GMCL1: variants seen among roughly 807,000 people sequenced by gnomAD.
The protein encoded by GMCL1 is germ cell-less 1, spermatogenesis associated, also known as germ cell-less protein-like 1.
A neutral mutation model predicts 75.5 loss-of-function variants in GMCL1; 54 were observed. The observed-to-expected ratio is 0.71, with a 90% confidence interval of 0.57 to 0.90. The LOEUF (loss-of-function observed/expected upper bound fraction) is 0.90. GMCL1 is among the 40% of genes least tolerant of loss of function. The pLI, the probability that GMCL1 is intolerant of heterozygous loss-of-function variation, is 0.00. For synonymous variants in GMCL1, 210 were observed against 209.6 expected, an observed-to-expected ratio of 1.00 and a Z score of -0.02; for missense variants, 537 against 622.7, an observed-to-expected ratio of 0.86 and a Z score of 1.47.
At chr2:69,838,952 C>G (rs1460469903) in intron 2 of GMCL1, among the ~76,000 whole-genome samples, 7 of 152,126 alleles carry the variant, frequency 4.6e-5, no homozygotes, top group South Asian at 2.1e-4. Context: ...CAAAGTAATT[C>G]TAATTATGAG....
chr2:69,869,300 C>A (rs1388992379), intron 11 of GMCL1, among the ~76,000 whole-genome samples: 1 of 149,168 alleles, frequency 6.7e-6, no homozygotes, highest in Non-Finnish European at 1.5e-5. Context: ...GACCTGTAGT[C>A]CCAGCTACTT....
chr2:69,842,909 C>A (rs368149835), intron 4 of GMCL1: 3 of 264,212 alleles, frequency 1.1e-5, no homozygotes, highest in Non-Finnish European at 2.0e-5. Context: ...CCTTACTACT[C>A]CCCCCCACCT....
chr2:69,832,799 A>G (rs1051339310), intron 1 of GMCL1, among the ~76,000 whole-genome samples: 1 of 152,234 alleles, frequency 6.6e-6, no homozygotes, highest in African/African-American at 2.4e-5. Flanking sequence ...ATCACACAGC[A>G]ATTTGAATAC....
At chr2:69,837,749 T>G in intron 2 of GMCL1, 79 bp downstream of exon 2, 3 of 1,473,264 alleles carry the variant, frequency 2.0e-6, no homozygotes, top group Non-Finnish European at 2.8e-6. Flanking sequence ...CACTTCACAG[T>G]AATCTTTTGC....
At chr2:69,847,706 T>C in intron 7 of GMCL1, 79 bp downstream of exon 7, 1 of 785,530 alleles carries the variant, frequency 1.3e-6, no homozygotes, top group South Asian at 1.7e-5. Flanking sequence ...CTGGAAACAG[T>C]ATCCAGTAAT....
chr2:69,830,032 C>T lies in GMCL1; in HGVS notation c.140C>T (p.Ala47Val), dbSNP rs2103933215. Residue 47 changes from alanine (A) to valine (V), a missense_variant, in exon 1 of 14, where the codon GCG becomes GTG. Around this residue, in one of 3 missense-constraint regions of GMCL1, gnomAD observed 144 missense variants for 127.2 expected, o/e 1.13. Transcript: ENST00000282570. ...GCGGGCCACGGATTCTGTTACTGTG[C>T]GGGCAGCCACAAGCGCAAGCGGAGC... Reference protein sequence around the residue: ...DAAGHGFCYCAGSHKRKRSSG... With the variant: ...DAAGHGFCYCVGSHKRKRSSG... 2 of 1,563,784 alleles carry T rather than the reference C, an allele frequency of 1.3e-6. No homozygotes were observed. The highest frequency in any genetic ancestry group is 2.4e-5 in the East Asian group (1 of 41,872).
At chr2:69,848,861 G>A (rs1201198035) in intron 7 of GMCL1, among the ~76,000 whole-genome samples, 7 of 152,044 alleles carry the variant, frequency 4.6e-5, no homozygotes, top group Admixed American at 1.3e-4. Context: ...TAATGTGCCC[G>A]GCTCTTAAGT....
At chr2:69,856,955 C>G (rs2104002103) in intron 9 of GMCL1, among the ~76,000 whole-genome samples, 1 of 152,062 alleles carries the variant, frequency 6.6e-6, no homozygotes, top group African/African-American at 2.4e-5. Flanking sequence ...GTTTTTTGAC[C>G]TCAGCTCTCA....
intron 1 of GMCL1, among the ~76,000 whole-genome samples, chr2:69,832,040 G>A (rs1674687294): frequency 6.6e-6 from 1 of 152,166 alleles, no homozygotes; most frequent in African/African-American, 2.4e-5. Flanking sequence ...GGCCAACATG[G>A]CGAAACCCTG....
In GMCL1 at chr2:69,852,294, C is replaced by T. The variant is rs531894490; in HGVS notation, c.935-2529C>T. Among the ~76,000 whole-genome samples, 17 of 152,340 alleles carry T rather than the reference C, an allele frequency of 1.1e-4. No homozygotes were observed. The South Asian group carries it at 3.5e-3, about 32-fold the overall frequency. On this transcript the variant is annotated intron_variant, in intron 8 of 13. Transcript: ENST00000282570. ...TAGAGAAGCAAGCTGTGGTCCACTT[C>T]TGGATTCCCACTTGAGGCTCTCCCT...
intron 11 of GMCL1, 151 bp downstream of exon 11, chr2:69,865,126 C>A (rs974336240): frequency 1.0e-4 from 58 of 567,490 alleles, no homozygotes; most frequent in Non-Finnish European, 1.7e-4. Flanking sequence ...AAAGTAGTTA[C>A]AGCCACCACA....
At chr2:69,839,611 C>A in intron 3 of GMCL1, 58 bp downstream of exon 3, 1 of 1,104,810 alleles carries the variant, frequency 9.1e-7, no homozygotes, top group Non-Finnish European at 1.4e-6. Flanking sequence ...TCTTATTCTT[C>A]TGGTAGAAGA....
At chr2:69,848,259 G>C (rs1421375974) in intron 7 of GMCL1, among the ~76,000 whole-genome samples, 1 of 152,174 alleles carries the variant, frequency 6.6e-6, no homozygotes, top group African/African-American at 2.4e-5. Context: ...ACAGTGTTGT[G>C]AGTATTTAAC....
intron 1 of GMCL1, among the ~76,000 whole-genome samples, chr2:69,832,213 C>CT (rs1348732347): frequency 6.8e-6 from 1 of 146,770 alleles, no homozygotes; most frequent in East Asian, 1.9e-4. Context: ...AAGTGAGACT[C>CT]TGTCTCAAAA....
chr2:69,861,291 T>A lies in GMCL1; in HGVS notation c.1086T>A (p.Ser362=), dbSNP rs751442065. Residue 362 remains serine (S), a synonymous_variant, in exon 10 of 14, where the codon TCT becomes TCA. Transcript: ENST00000282570. ...DAVVPSEWLS[S]VYKQQWFAML... is the part of the protein sequence containing the mutation. ...CTTACATTTCAGAATGGCTCTCTTCTGTGTATAAACAGCAGTGGTTTGCTA... is the reference window on the plus strand; with the variant it reads ...CTTACATTTCAGAATGGCTCTCTTCAGTGTATAAACAGCAGTGGTTTGCTA... 26 of 1,605,842 alleles carry A rather than the reference T, an allele frequency of 1.6e-5. No homozygotes were observed. Among genetic ancestry groups the A allele is most frequent in the Non-Finnish European group, 2.2e-5 (26 of 1,173,630 alleles).
intron 11 of GMCL1, among the ~76,000 whole-genome samples, chr2:69,866,961 T>A (rs1675834799): frequency 6.6e-6 from 1 of 151,154 alleles, no homozygotes; most frequent in Non-Finnish European, 1.5e-5. Context: ...TCTTTTTTTT[T>A]TGAGACAGAG....
intron 3 of GMCL1, 88 bp from the exon 4 acceptor site, chr2:69,840,854 T>C: frequency 1.3e-6 from 1 of 785,542 alleles, no homozygotes; most frequent in Non-Finnish European, 2.1e-6. Flanking sequence ...GATGTCTTTG[T>C]GTGTGAAGAC....
Position 69,871,772 on chromosome 2 carries a change from T to A in GMCL1, c.1392T>A (p.Ser464Arg), listed in dbSNP as rs1438691149. The A allele has an allele frequency of 6.3e-7, 1 of 1,585,458 alleles. No homozygotes were observed. Among genetic ancestry groups the A allele is most frequent in the Non-Finnish European group, 8.6e-7 (1 of 1,163,340 alleles). The change falls in exon 13 of 14, where the codon AGT becomes AGA. Residue 464 changes from serine to arginine, a missense_variant. Coordinates refer to ENST00000282570, the MANE Select transcript of GMCL1 (RefSeq NM_178439.5). ...TACGTTTGGCTTCTTTTGATAGTAG[T>A]GGAAAACTAATATGTAGTAGAACAA... ...FRLRLASFDS[S>R]GKLICSRTTG...
In GMCL1 at chr2:69,834,999, A is replaced by T. The variant is rs567381984; in HGVS notation, c.261-2548A>T. 4.5e-3 allele frequency among the ~76,000 whole-genome samples: 686 copies of T among 152,002 alleles called. 7 individuals are homozygous for T. Among genetic ancestry groups the T allele is most frequent in the African/African-American group, 0.014 (590 of 41,432 alleles). On this transcript the variant is annotated intron_variant, in intron 1 of 13. Transcript: ENST00000282570. ...GTATTTCTTTTGGACCAGGGGTGAA[A>T]ATTACTAAAATATGAAATGTGCTGT...
Sources: allele counts gnomAD v4.1 joint callset (sites outside exome capture counted in the v4.1 genomes callset), GRCh38; gene constraint gnomAD v4.1.1; regional missense constraint gnomAD v4.1.1; transcripts MANE v1.5; gene names NCBI Gene and HGNC (gene_info 2026-07-23, HGNC 2026-07-21).